Variants in NDUFA10 observed in about 807,000 individuals in gnomAD.
NDUFA10 encodes the protein NADH:ubiquinone oxidoreductase subunit A10.
NDUFA10 carries 40 observed loss-of-function variants against 47.8 expected under a neutral mutation model. That is an observed-to-expected ratio of 0.84 (90% CI 0.65 to 1.09). NDUFA10 has a LOEUF of 1.09. Ranked by LOEUF, NDUFA10 falls within the 50% of genes least tolerant of loss-of-function variation. The pLI is 0.00. For synonymous variants in NDUFA10, 183 were observed against 172.2 expected (o/e 1.06, Z -0.49); for missense variants, 413 against 451.1 (o/e 0.92, Z 0.76).
At chr2:240,018,024 C>CA (rs1338477897) in intron 4 of NDUFA10, 1 of 807,838 alleles carries the variant, frequency 1.2e-6, no homozygotes, top group Non-Finnish European at 2.0e-6. Context: ...CAGCCTGCTT[C>CA]AAACCAGGGG....
chr2:239,998,529 G>T (rs6755847), intron 8 of NDUFA10, among the ~76,000 whole-genome samples: 17,977 of 128,216 alleles, frequency 0.14, 1,251 homozygotes, highest in Non-Finnish European at 0.18. Context: ...GCTGGCCCTT[G>T]GTTGGCTTCT....
At position 240,019,744 on chromosome 2, in the gene NDUFA10, G is replaced by A. The variant is rs1291091450; in HGVS notation, c.461-1105C>T. ...TGAGGCAGGAGAATGGCATGAACCC[G>A]GGAGGCGGAGCTTGCAGTGAGCCGA... is the stretch of plus-strand genomic sequence containing the variant. On this transcript the variant is annotated intron_variant, in intron 3 of 9. Transcript: ENST00000252711. Among the ~76,000 whole-genome samples the A allele has an allele frequency of 5.1e-3, 176 of 34,728 alleles. 48 individuals are homozygous for A. Among genetic ancestry groups the A allele is most frequent in the African/African-American group, 0.019 (171 of 9,124 alleles). The allele number at this position is 34,728 out of a possible 152,430, so 22.8% of individuals were successfully genotyped here. A position where few individuals can be genotyped will look rare whatever the true frequency, so the allele number is the denominator to read the frequency against.
rs148493514 is a variant in NDUFA10 at position 239,964,703 on chromosome 2, C to T, written c.1000-3517G>A. On this transcript the variant is annotated intron_variant, in intron 9 of 9. Transcript: ENST00000252711. ...CAGCAAGGCCCTCCAGGAACACTGC[C>T]GGCGAGGACACCTCCAGCAGAACCA... 6.0e-3 allele frequency among the ~76,000 whole-genome samples: 906 copies of T among 152,260 alleles called. 5 individuals carry two copies. The highest frequency in any genetic ancestry group is 0.021 in the African/African-American group (861 of 41,524).
At chr2:239,918,395 C>T (rs1182972088) in intron 4 of NDUFA10, among the ~76,000 whole-genome samples, 1 of 152,140 alleles carries the variant, frequency 6.6e-6, no homozygotes, top group Non-Finnish European at 1.5e-5. Context: ...CCCGAGGCCT[C>T]CTCAGGTGCC....
intron 9 of NDUFA10, among the ~76,000 whole-genome samples, chr2:239,971,799 C>A (rs972920880): frequency 6.6e-6 from 1 of 152,190 alleles, no homozygotes; most frequent in Non-Finnish European, 1.5e-5. Context: ...TGTGCTAACT[C>A]TTAAAAATAA....
intron 7 of NDUFA10, among the ~76,000 whole-genome samples, chr2:240,006,978 C>T (rs1696972249): frequency 1.3e-5 from 2 of 152,358 alleles, no homozygotes; most frequent in South Asian, 4.1e-4. Context: ...ACAAAACACA[C>T]GAATTTAAGG....
In NDUFA10 at chr2:239,934,662, T is replaced by A. The variant is rs116373321; in HGVS notation, c.295-39348A>T. Among the ~76,000 whole-genome samples, 736 of 152,178 alleles carry A rather than the reference T, an allele frequency of 4.8e-3. 6 individuals carry two copies. Among genetic ancestry groups the A allele is most frequent in the African/African-American group, 0.017 (707 of 41,502 alleles). On this transcript the variant is annotated intron_variant, in intron 4 of 5. Transcript: ENST00000419408. The stretch of plus-strand genomic sequence containing the variant: ...CTGCATGTGATTAGTAAGTGCAGAG[T>A]CATCCTAGAGCGGTAGAGGGCGCTG...
intron 1 of NDUFA10, among the ~76,000 whole-genome samples, chr2:240,025,007 T>C (rs1487670173): frequency 1.3e-5 from 2 of 152,242 alleles, no homozygotes; most frequent in East Asian, 3.9e-4. Context: ...GCGTTTTGCT[T>C]AAAGCTGAGA....
At chr2:239,962,210 T>TACAC (rs59356951) in intron 9 of NDUFA10, among the ~76,000 whole-genome samples, 4,167 of 149,306 alleles carry the variant, frequency 0.028, 117 homozygotes, top group African/African-American at 0.075. Flanking sequence ...TCAATTTGTG[T>TACAC]ACACACACAC....
rs1038402461 is a variant in NDUFA10 at position 240,025,322 on chromosome 2, A to G, written c.-21T>C. 1 of 1,492,836 alleles carries G rather than the reference A, an allele frequency of 6.7e-7. No individual in the cohort carries two copies. Among genetic ancestry groups the G allele is most frequent in the African/African-American group, 1.5e-5 (1 of 68,560 alleles). 92.5% of individuals were successfully genotyped at this position (1,492,836 alleles called of 1,614,324 possible). On this transcript the variant is annotated 5_prime_UTR_variant, in exon 1 of 10. Coordinates refer to ENST00000252711, the MANE Select transcript of NDUFA10 (RefSeq NM_004544.4). The stretch of plus-strand genomic sequence containing the variant: ...GCCATGGCTACCCGGTCAGCTCAGG[A>G]TCAAGGACCCAAGGGGACGCGGTCG...
At chr2:239,947,702 C>T (rs893984190) in intron 4 of NDUFA10, among the ~76,000 whole-genome samples, 2 of 152,238 alleles carry the variant, frequency 1.3e-5, no homozygotes, top group African/African-American at 4.8e-5. Context: ...GCTCCTCCAT[C>T]CACTGAAGGC....
chr2:239,923,059 T>C (rs1694014859), intron 4 of NDUFA10, among the ~76,000 whole-genome samples: 1 of 151,902 alleles, frequency 6.6e-6, no homozygotes, highest in Non-Finnish European at 1.5e-5. Flanking sequence ...GCAAAGAAAA[T>C]TACCAGGGAC....
At chr2:239,907,692 A>T (rs1344852726) in intron 4 of NDUFA10, among the ~76,000 whole-genome samples, 1 of 152,104 alleles carries the variant, frequency 6.6e-6, no homozygotes, top group East Asian at 1.9e-4. Context: ...CAAAACCACA[A>T]TGAGATACCA....
rs150165573 is a variant in NDUFA10 at position 239,900,443 on chromosome 2, T to C, written c.295-5129A>G. ...GCACACCTGAGCCTCCCCGTTTTCC[T>C]ACCATGAAGCTTCCCCACTCCTCTG... On this transcript the variant is annotated intron_variant, in intron 4 of 5. Transcript: ENST00000419408. 3.4e-3 allele frequency among the ~76,000 whole-genome samples: 523 copies of C among 152,064 alleles called. 4 individuals carry two copies. Among genetic ancestry groups the C allele is most frequent in the South Asian group, 0.022 (104 of 4,816 alleles).
Position 239,904,740 on chromosome 2 carries a change from C to T in NDUFA10, c.295-9426G>A, listed in dbSNP as rs1438432649. Among the ~76,000 whole-genome samples the T allele has an allele frequency of 2.6e-5, 4 of 152,342 alleles. No homozygotes were observed. In the South Asian group the frequency reaches 6.2e-4, roughly 24 times the overall value. ...CCATAACACCTGGCCACACATCAGG[C>T]GGGGTGCTTACAACAGCAGACACAC... On this transcript the variant is annotated intron_variant, in intron 4 of 5. Transcript: ENST00000419408.
chr2:239,899,055 AGTGTGATGGAGGG>A (rs1173373922), intron 4 of NDUFA10, among the ~76,000 whole-genome samples: 7 of 11,838 alleles, frequency 5.9e-4, no homozygotes, highest in African/African-American at 1.6e-3. Context: ...GTGATGGAGG[AGTGTGATGGAGGG>A]GTGTGATGGA....
At chr2:240,014,623 T>C (rs1041884322) in intron 5 of NDUFA10, 116 bp downstream of exon 5, 13 of 1,471,776 alleles carry the variant, frequency 8.8e-6, no homozygotes, top group South Asian at 2.3e-5. Flanking sequence ...AGGGTGTGTG[T>C]CACCCTCCTC....
intron 9 of NDUFA10, chr2:239,983,471 C>A: frequency 6.5e-7 from 1 of 1,534,698 alleles, no homozygotes; most frequent in South Asian, 1.2e-5. Flanking sequence ...ATCAAGCAAC[C>A]GAATTTCCTT....
chr2:239,899,092 G>T lies in NDUFA10; in HGVS notation c.295-3778C>A, dbSNP rs1169154698. Among the ~76,000 whole-genome samples the T allele has an allele frequency of 1.0e-4, 4 of 38,372 alleles. 1 individual carries two copies. Among genetic ancestry groups the T allele is most frequent in the African/African-American group, 1.8e-4 (2 of 11,258 alleles). 25.2% of individuals were successfully genotyped at this position (38,372 alleles called of 152,430 possible). On this transcript the variant is annotated intron_variant, in intron 4 of 5. Transcript: ENST00000419408. ...GGGTGTGATGGAGGAGTGTGGAGGGGTGTGGTGGAGGGGTGTGACGGAGGG... is the reference window on the plus strand; with the variant it reads ...GGGTGTGATGGAGGAGTGTGGAGGGTTGTGGTGGAGGGGTGTGACGGAGGG...
Sources: allele counts gnomAD v4.1 joint callset (sites outside exome capture counted in the v4.1 genomes callset), GRCh38; gene constraint gnomAD v4.1.1; transcripts MANE v1.5; gene names NCBI Gene and HGNC (gene_info 2026-07-23, HGNC 2026-07-21).